PIGK: variants seen among roughly 807,000 people sequenced by gnomAD.
The protein encoded by PIGK is GPI-anchor transamidase.
Under a neutral mutation model 50.6 loss-of-function variants are expected in PIGK, and 42 were observed. The observed-to-expected ratio is 0.83, with a 90% CI of 0.65 to 1.07. The LOEUF is 1.07. Ranked by LOEUF, PIGK falls within the 50% of genes least tolerant of loss-of-function variation. The pLI, the probability that PIGK is intolerant of heterozygous loss-of-function variation, is 0.00. For missense variants in PIGK, 448 were observed against 488.7 expected (o/e 0.92, Z 0.78); for synonymous variants, 151 against 156.0 (o/e 0.97, Z 0.24).
intron 3 of PIGK, among the ~76,000 whole-genome samples, chr1:77,185,079 T>G (rs200213245): frequency 1.3e-5 from 2 of 152,206 alleles, no homozygotes; most frequent in East Asian, 3.9e-4. Context: ...GTGGTTTCAT[T>G]GCTTGAGCAA....
chr1:77,204,871 G>A (rs1040561469), intron 3 of PIGK, among the ~76,000 whole-genome samples: 1 of 152,066 alleles, frequency 6.6e-6, no homozygotes, highest in Admixed American at 6.6e-5. Flanking sequence ...AATACTAGCT[G>A]AGCAGAATCT....
chr1:77,113,516 C>A (rs1653899480), intron 10 of PIGK, among the ~76,000 whole-genome samples: 1 of 152,052 alleles, frequency 6.6e-6, no homozygotes, highest in South Asian at 2.1e-4. Flanking sequence ...CTTTGACACT[C>A]ATTTTTCTCA....
rs909240943 is a variant in PIGK, at chr1:77,090,294, A to G, written c.*2080T>C. ...TATTTCCTAAACGTACTCATCTACC[A>G]CATGCAGAGGATTTAGTTATTATGA... On this transcript the variant is annotated 3_prime_UTR_variant, in exon 11 of 11. Transcript: ENST00000370812. 1 of 152,228 alleles carries G rather than the reference A, an allele frequency of 6.6e-6. No homozygotes were observed. Among genetic ancestry groups the G allele is most frequent in the Non-Finnish European group, 1.5e-5 (1 of 68,026 alleles). The allele number at this position is 152,228 out of a possible 1,614,324, so 9.4% of individuals were successfully genotyped here. A position where few individuals can be genotyped will look rare whatever the true frequency, so the allele number is the denominator to read the frequency against.
At chr1:77,175,584 G>T (rs1244739446) in intron 3 of PIGK, among the ~76,000 whole-genome samples, 7 of 152,128 alleles carry the variant, frequency 4.6e-5, no homozygotes, top group Admixed American at 3.9e-4. Flanking sequence ...AAAATTATAA[G>T]AAAGCATGAG....
At position 77,171,754 on chromosome 1, in the gene PIGK, AT is replaced by A. The variant is rs578121456; in HGVS notation, c.240-2360del. ...CAAACGTTTTGAAGTCCAACCACAT[AT>A]TCTAATTCACTGTTTCTAAAACTTA... On this transcript the variant is annotated intron_variant, in intron 3 of 10. Transcript: ENST00000370812. 6.0e-4 allele frequency among the ~76,000 whole-genome samples: 92 copies of A among 152,072 alleles called. 1 individual carries two copies. The highest frequency in any genetic ancestry group is 2.9e-3 in the South Asian group (14 of 4,822).
At chr1:77,133,858 T>G (rs1388000439) in intron 9 of PIGK, among the ~76,000 whole-genome samples, 1 of 152,202 alleles carries the variant, frequency 6.6e-6, no homozygotes, top group Non-Finnish European at 1.5e-5. Context: ...GTTTCTGACT[T>G]ACATTTTTGG....
rs1337676059 is a variant in PIGK, at chr1:77,090,753, A to G, written c.*1621T>C. ...TACTATAATCAGTCTATTCAATTGC[A>G]AGTTTATTTTCCCTTCTTTTCATGT... On this transcript the variant is annotated 3_prime_UTR_variant, in exon 11 of 11. Transcript: ENST00000370812. 6.6e-6 allele frequency: 1 copy of G among 152,192 alleles called. No individual in the cohort carries two copies. The highest frequency in any genetic ancestry group is 1.5e-5 in the Non-Finnish European group (1 of 68,030). 9.4% of individuals were successfully genotyped at this position (152,192 alleles called of 1,614,324 possible).
intron 1 of PIGK, among the ~76,000 whole-genome samples, chr1:77,216,441 G>A (rs1557435260): frequency 2.0e-5 from 3 of 151,984 alleles, no homozygotes; most frequent in Non-Finnish European, 4.4e-5. Flanking sequence ...CAATAGAGAT[G>A]GAAAAAACTG....
At chr1:77,169,729 C>T (rs914780896) in intron 3 of PIGK, among the ~76,000 whole-genome samples, 6 of 152,118 alleles carry the variant, frequency 3.9e-5, no homozygotes, top group African/African-American at 1.2e-4. Context: ...TTTTTCTGAA[C>T]AATGTATACT....
At chr1:77,211,606 C>T (rs909103892) in intron 1 of PIGK, among the ~76,000 whole-genome samples, 1 of 151,982 alleles carries the variant, frequency 6.6e-6, no homozygotes, top group Non-Finnish European at 1.5e-5. Context: ...ACATCCTCAA[C>T]AAAAACAAAA....
intron 1 of PIGK, among the ~76,000 whole-genome samples, chr1:77,213,730 C>CA (rs537984642): frequency 1.6e-4 from 24 of 151,458 alleles, no homozygotes; most frequent in South Asian, 1.5e-3. Flanking sequence ...TTAAAAAATA[C>CA]AAAAAAAGTC....
intron 10 of PIGK, among the ~76,000 whole-genome samples, chr1:77,109,920 T>TA (rs1368114107): frequency 2.6e-5 from 4 of 152,224 alleles, no homozygotes; most frequent in Middle Eastern, 3.4e-3. Flanking sequence ...AGTCTCAGGA[T>TA]AAAAAATCAA....
intron 10 of PIGK, among the ~76,000 whole-genome samples, chr1:77,101,773 A>G (rs1044547363): frequency 6.6e-6 from 1 of 152,160 alleles, no homozygotes; most frequent in African/African-American, 2.4e-5. Flanking sequence ...TGGGATGCCA[A>G]GGCGGGTGAA....
At position 77,123,820 on chromosome 1, in the gene PIGK, T is replaced by C. The variant is rs570896308; in HGVS notation, c.987-1461A>G. Among the ~76,000 whole-genome samples the C allele has an allele frequency of 2.0e-5, 3 of 152,254 alleles. No homozygotes were observed. The East Asian group carries it at 5.8e-4, about 29-fold the overall frequency. The stretch of plus-strand genomic sequence containing the variant: ...GTTATGTATTTGTTATGGGCTGAAT[T>C]GTGCCCTTCAACAAACTCCAAAATT... On this transcript the variant is annotated intron_variant, in intron 9 of 10. Transcript: ENST00000370812.
chr1:77,169,197 A>G (rs1655300301), intron 4 of PIGK, 63 bp downstream of exon 4: 1 of 1,076,208 alleles, frequency 9.3e-7, no homozygotes, highest in Admixed American at 2.8e-5. Flanking sequence ...TTATTCTGCC[A>G]TTGTTTTAGA....
chr1:77,122,897 C>T (rs6603935), intron 9 of PIGK, among the ~76,000 whole-genome samples: 1 of 152,174 alleles, frequency 6.6e-6, no homozygotes, highest in African/African-American at 2.4e-5. Flanking sequence ...ATTTGTTTAT[C>T]GCCATCTAGG....
intron 3 of PIGK, among the ~76,000 whole-genome samples, chr1:77,201,068 C>T (rs1258554718): frequency 6.6e-6 from 1 of 152,170 alleles, no homozygotes; most frequent in Non-Finnish European, 1.5e-5. Flanking sequence ...TAACGCTCCA[C>T]TTCAAACAAT....
chr1:77,135,778 C>T (rs1348960770), intron 9 of PIGK, among the ~76,000 whole-genome samples: 1 of 151,550 alleles, frequency 6.6e-6, no homozygotes, highest in Non-Finnish European at 1.5e-5. Context: ...AATTTACAAC[C>T]CTTTTCCCAA....
chr1:77,189,748 TACACACACACACAC>T (rs200985315), intron 3 of PIGK, among the ~76,000 whole-genome samples: 1 of 53,970 alleles, frequency 1.9e-5, no homozygotes, highest in African/African-American at 8.4e-5. Flanking sequence ...TATATATATA[TACACACACACACAC>T]ACACACACAC....
Sources: allele counts gnomAD v4.1 joint callset (sites outside exome capture counted in the v4.1 genomes callset), GRCh38; gene constraint gnomAD v4.1.1; transcripts MANE v1.5; gene names NCBI Gene and HGNC (gene_info 2026-07-23, HGNC 2026-07-21).